ZBTB20: variants seen among roughly 807,000 people sequenced by gnomAD.
ZBTB20 encodes zinc finger and BTB domain-containing protein 20.
ZBTB20 carries 9 observed loss-of-function variants against 56.9 expected under a neutral mutation model. The observed-to-expected ratio is 0.16, with a 90% CI of 0.10 to 0.28. ZBTB20 has a LOEUF of 0.28. ZBTB20 is among the 10% of genes least tolerant of loss of function. The pLI is 1.00. For synonymous variants in ZBTB20, 417 were observed against 420.7 expected (o/e 0.99, Z 0.11); for missense variants, 655 against 1,003.0 (o/e 0.65, Z 4.69).
rs963309932 is a variant in ZBTB20, at chr3:114,325,875, T to A, written c.*13130A>T. 6 of 152,138 alleles carry A rather than the reference T, an allele frequency of 3.9e-5. No individual in the cohort carries two copies. Among genetic ancestry groups the A allele is most frequent in the Admixed American group, 6.5e-5 (1 of 15,270 alleles). 9.4% of individuals were successfully genotyped at this position (152,138 alleles called of 1,614,324 possible). A position where few individuals can be genotyped will look rare whatever the true frequency, so the allele number is the denominator to read the frequency against. The stretch of plus-strand genomic sequence containing the variant: ...AATGAAGTACTACAATTTCCTTTTT[T>A]AAAAAAATAGTTTCTAATTTGTTTT... On this transcript the variant is annotated 3_prime_UTR_variant, in exon 12 of 12. Coordinates refer to ENST00000675478, the MANE Select transcript of ZBTB20 (RefSeq NM_001348800.3).
intron 6 of ZBTB20, among the ~76,000 whole-genome samples, chr3:114,671,101 T>C (rs1184261997): frequency 2.0e-5 from 3 of 152,152 alleles, no homozygotes; most frequent in African/African-American, 4.8e-5. Context: ...GTTAGTTAGA[T>C]TGTTTGTAAG....
At chr3:114,657,614 C>T (rs908458971) in intron 6 of ZBTB20, among the ~76,000 whole-genome samples, 4 of 152,188 alleles carry the variant, frequency 2.6e-5, no homozygotes, top group African/African-American at 9.6e-5. Flanking sequence ...ATGCCAGCTC[C>T]ATTCGCTAAC....
intron 1 of ZBTB20, among the ~76,000 whole-genome samples, chr3:115,093,440 A>G (rs1414937849): frequency 6.6e-6 from 1 of 152,154 alleles, no homozygotes; most frequent in Non-Finnish European, 1.5e-5. Flanking sequence ...GAATAGGTGG[A>G]TGTGTTGGTC....
chr3:114,957,601 A>T (rs557584457), intron 3 of ZBTB20, among the ~76,000 whole-genome samples: 1 of 152,316 alleles, frequency 6.6e-6, no homozygotes, highest in East Asian at 1.9e-4. Flanking sequence ...CTCTTTTCTA[A>T]GTAATTTCAG....
At chr3:114,922,753 A>G (rs1332058367) in intron 3 of ZBTB20, among the ~76,000 whole-genome samples, 2 of 152,208 alleles carry the variant, frequency 1.3e-5, no homozygotes, top group Non-Finnish European at 2.9e-5. Flanking sequence ...AGAGAGAAAG[A>G]AGAGAGAGCT....
intron 1 of ZBTB20, among the ~76,000 whole-genome samples, chr3:115,101,563 A>G (rs901743218): frequency 2.0e-5 from 3 of 152,176 alleles, no homozygotes; most frequent in African/African-American, 4.8e-5. Context: ...TTGACGAGTC[A>G]TATCTCCTTC....
At chr3:114,535,336 A>G (rs2048337758) in intron 6 of ZBTB20, among the ~76,000 whole-genome samples, 1 of 152,194 alleles carries the variant, frequency 6.6e-6, no homozygotes, top group African/African-American at 2.4e-5. Context: ...AGAAATACAA[A>G]CTACCATCAG....
At chr3:115,093,409 C>A (rs976001449) in intron 1 of ZBTB20, among the ~76,000 whole-genome samples, 1 of 151,910 alleles carries the variant, frequency 6.6e-6, no homozygotes, top group East Asian at 1.9e-4. Context: ...ATTTAGAAAG[C>A]GAAAAAGCAA....
chr3:114,363,006 G>A (rs1210589190), intron 10 of ZBTB20, among the ~76,000 whole-genome samples: 2 of 152,066 alleles, frequency 1.3e-5, no homozygotes, highest in Non-Finnish European at 2.9e-5. Context: ...CATTTACAAA[G>A]TAAATATGCA....
chr3:114,974,136 C>T (rs2078003931), intron 3 of ZBTB20, among the ~76,000 whole-genome samples: 1 of 150,122 alleles, frequency 6.7e-6, no homozygotes, highest in Non-Finnish European at 1.5e-5. Context: ...GTTAGAGCAA[C>T]ACCTAATTAA....
rs541642494 is a variant in ZBTB20 at position 114,337,916 on chromosome 3, T to A, written c.*1089A>T. On this transcript the variant is annotated 3_prime_UTR_variant, in exon 12 of 12. Transcript: ENST00000675478. ...TTTTAACAATTTCACTTTTTTTGTTTTTTTTTTTACACAAATACTGTTGTA... is the reference window on the plus strand; with the variant it reads ...TTTTAACAATTTCACTTTTTTTGTTATTTTTTTTACACAAATACTGTTGTA... The A allele has an allele frequency of 2.6e-5, 4 of 151,902 alleles. 1 individual carries two copies. In the South Asian group the frequency reaches 8.3e-4, roughly 32 times the overall value. The allele number at this position is 151,902 out of a possible 1,614,324, so 9.4% of individuals were successfully genotyped here. A position where few individuals can be genotyped will look rare whatever the true frequency, so the allele number is the denominator to read the frequency against.
intron 3 of ZBTB20, among the ~76,000 whole-genome samples, chr3:114,943,170 A>G (rs887616027): frequency 6.9e-6 from 1 of 145,748 alleles, no homozygotes; most frequent in African/African-American, 2.8e-5. Context: ...TATTTATAAA[A>G]CTAAGGGAAA....
Position 115,113,846 on chromosome 3 carries a change from C to T in ZBTB20, c.-703+33373G>A, listed in dbSNP as rs2083947661. On this transcript the variant is annotated intron_variant, in intron 1 of 11. Transcript: ENST00000675478. Reference sequence around the variant, plus strand: ...CCTTGCTTTCTGAAGGAATTTGTTACTAAATAATATTGCCACCTTCTATTT... The same window carrying T: ...CCTTGCTTTCTGAAGGAATTTGTTATTAAATAATATTGCCACCTTCTATTT... Among the ~76,000 whole-genome samples, 3 of 151,808 alleles carry T rather than the reference C, an allele frequency of 2.0e-5. No individual in the cohort carries two copies. The South Asian group carries it at 6.2e-4, about 31-fold the overall frequency.
intron 4 of ZBTB20, among the ~76,000 whole-genome samples, chr3:114,833,844 G>C (rs186995638): frequency 1.1e-4 from 17 of 151,952 alleles, no homozygotes; most frequent in Non-Finnish European, 2.5e-4. Context: ...GGGTCTTATA[G>C]ATAGGTAATA....
intron 10 of ZBTB20, among the ~76,000 whole-genome samples, chr3:114,365,498 C>G (rs2082305391): frequency 6.6e-6 from 1 of 152,148 alleles, no homozygotes; most frequent in Non-Finnish European, 1.5e-5. Flanking sequence ...AGCTTGGGAA[C>G]ACAGTGTGTA....
intron 2 of ZBTB20, among the ~76,000 whole-genome samples, chr3:115,045,639 C>G (rs2081306660): frequency 6.6e-6 from 1 of 150,996 alleles, no homozygotes; most frequent in African/African-American, 2.4e-5. Context: ...CAGAACAGCA[C>G]TAACATGGAA....
At chr3:114,877,161 G>T (rs1448040736) in intron 4 of ZBTB20, among the ~76,000 whole-genome samples, 1 of 152,140 alleles carries the variant, frequency 6.6e-6, no homozygotes, top group Non-Finnish European at 1.5e-5. Flanking sequence ...ATATGCTAGA[G>T]AATACAAAGG....
intron 6 of ZBTB20, among the ~76,000 whole-genome samples, chr3:114,661,475 T>A (rs911959958): frequency 2.0e-5 from 3 of 152,320 alleles, no homozygotes; most frequent in Middle Eastern, 3.4e-3. Flanking sequence ...TTCTCATTCA[T>A]TATTTTCAAG....
At chr3:114,689,333 T>C (rs1300153153) in intron 6 of ZBTB20, among the ~76,000 whole-genome samples, 1 of 152,176 alleles carries the variant, frequency 6.6e-6, no homozygotes, top group African/African-American at 2.4e-5. Context: ...TTGTGACATG[T>C]ATTGGTATCC....
Sources: gnomAD v4.1 joint callset for allele counts (sites outside exome capture counted in the v4.1 genomes callset) on GRCh38, gnomAD v4.1.1 for gene constraint, MANE v1.5 for transcripts, NCBI Gene and HGNC (gene_info 2026-07-23, HGNC 2026-07-21) for gene names.